The following DESI2 variants were observed in gnomAD, a reference collection of about 807,000 sequenced individuals.
The protein encoded by DESI2 is desumoylating isopeptidase 2.
DESI2 carries 10 observed loss-of-function variants against 24.1 expected under a neutral mutation model. That is an observed-to-expected ratio of 0.41 (90% CI 0.26 to 0.70). DESI2 has a LOEUF of 0.70. Ranked by LOEUF, DESI2 falls within the 30% of genes least tolerant of loss-of-function variation. The pLI, the probability that DESI2 is intolerant of heterozygous loss-of-function variation, is 0.29. For missense variants in DESI2, 122 were observed against 234.9 expected, an observed-to-expected ratio of 0.52 and a Z score of 3.14; for synonymous variants, 71 against 87.7, an observed-to-expected ratio of 0.81 and a Z score of 1.06.
chr1:244,681,493 C>T (rs1480776073), intron 1 of DESI2, among the ~76,000 whole-genome samples: 2 of 144,182 alleles, frequency 1.4e-5, no homozygotes, highest in East Asian at 2.1e-4. Flanking sequence ...GGACCTGGGG[C>T]GGGGGAGGGA....
intron 4 of DESI2, among the ~76,000 whole-genome samples, chr1:244,693,968 A>G (rs867783747): frequency 6.6e-6 from 1 of 152,260 alleles, no homozygotes; most frequent in Non-Finnish European, 1.5e-5. Flanking sequence ...AACGAAGACA[A>G]GCAAATTAAT....
intron 4 of DESI2, among the ~76,000 whole-genome samples, chr1:244,697,590 GCTGTTGC>G (rs1201819328): frequency 6.6e-6 from 1 of 152,058 alleles, no homozygotes; most frequent in African/African-American, 2.4e-5. Context: ...TAGCAGCTGA[GCTGTTGC>G]CTGTTATGAA....
In DESI2 at chr1:244,699,578, C is replaced by CAAAAAAAAA. The variant is rs559295405; in HGVS notation, c.352-5948_352-5940dup. Among the ~76,000 whole-genome samples, 30 of 66,216 alleles carry CAAAAAAAAA rather than the reference C, an allele frequency of 4.5e-4. 1 individual carries two copies. The highest frequency in any genetic ancestry group is 8.9e-4 in the Admixed American group (4 of 4,472). 43.4% of individuals were successfully genotyped at this position (66,216 alleles called of 152,430 possible). A position where few individuals can be genotyped will look rare whatever the true frequency, so the allele number is the denominator to read the frequency against. On this transcript the variant is annotated intron_variant, in intron 4 of 4. Coordinates refer to ENST00000302550, the MANE Select transcript of DESI2 (RefSeq NM_016076.5). ...GCCTAGCAACAGAGTGAGACTGTCT[C>CAAAAAAAAA]AAAAAAAAAAAAAAAAAAAAAAAAA...
intron 4 of DESI2, among the ~76,000 whole-genome samples, chr1:244,703,000 C>CTTTTTTTTTTTTTTTT (rs72210181): frequency 7.6e-6 from 1 of 131,638 alleles, no homozygotes. Flanking sequence ...TTTGCCAGCG[C>CTTTTTTTTTTTTTTTT]TTTTTTTTTT....
At chr1:244,703,703 G>A (rs917922652) in intron 4 of DESI2, among the ~76,000 whole-genome samples, 10 of 149,914 alleles carry the variant, frequency 6.7e-5, no homozygotes, top group South Asian at 2.1e-4. Flanking sequence ...CTGTTGCCCC[G>A]GCTGGAGTGC....
intron 1 of DESI2, among the ~76,000 whole-genome samples, chr1:244,678,941 A>G (rs2148797161): frequency 6.6e-6 from 1 of 152,378 alleles, no homozygotes; most frequent in South Asian, 2.1e-4. Context: ...TTTAAGTCCT[A>G]GAAGTTGGCT....
intron 1 of DESI2, among the ~76,000 whole-genome samples, chr1:244,674,899 T>C (rs1676364961): frequency 6.6e-6 from 1 of 152,230 alleles, no homozygotes; most frequent in South Asian, 2.1e-4. Context: ...CTAGGTCATA[T>C]GGTAACTTTA....
intron 1 of DESI2, 102 bp downstream of exon 1, chr1:244,653,457 C>G: frequency 2.4e-6 from 3 of 1,240,586 alleles, no homozygotes; most frequent in Non-Finnish European, 3.3e-6. Flanking sequence ...CTGGCGTCTC[C>G]GCCTCCAGCC....
intron 1 of DESI2, among the ~76,000 whole-genome samples, chr1:244,668,096 A>T (rs1676110947): frequency 6.6e-6 from 1 of 152,252 alleles, no homozygotes; most frequent in Non-Finnish European, 1.5e-5. Flanking sequence ...CATACTTAAG[A>T]GTTCCTTATG....
At chr1:244,695,025 A>T (rs903251432) in intron 4 of DESI2, among the ~76,000 whole-genome samples, 1 of 152,226 alleles carries the variant, frequency 6.6e-6, no homozygotes, top group Non-Finnish European at 1.5e-5. Flanking sequence ...CAATGTGGTC[A>T]GTGTCTCAAC....
chr1:244,653,901 T>C (rs1432901018), intron 1 of DESI2: 1 of 470,944 alleles, frequency 2.1e-6, no homozygotes, highest in Non-Finnish European at 4.4e-6. Flanking sequence ...ACCCTTTCCT[T>C]GTGTGTTAAA....
intron 1 of DESI2, chr1:244,653,686 T>C (rs920933688): frequency 9.3e-6 from 4 of 430,894 alleles, no homozygotes; most frequent in Non-Finnish European, 1.3e-5. Context: ...TCCGTTGCGT[T>C]TCCAACCCCA....
At chr1:244,662,409 G>C (rs1238764911) in intron 1 of DESI2, among the ~76,000 whole-genome samples, 1 of 152,134 alleles carries the variant, frequency 6.6e-6, no homozygotes, top group East Asian at 1.9e-4. Flanking sequence ...TATATACCCA[G>C]AAGTCCATAG....
rs71587007 is a variant in DESI2, at chr1:244,701,215, ACCCCCCCC to A, written c.352-4329_352-4322del. ...GCATGACTGGACCACCTTCCCCTCC[ACCCCCCCC>A]CCCCCCCCCCCGCCCTTTTAACTGC... On this transcript the variant is annotated intron_variant, in intron 4 of 4. Coordinates refer to ENST00000302550, the MANE Select transcript of DESI2 (RefSeq NM_016076.5). Among the ~76,000 whole-genome samples the A allele has an allele frequency of 6.1e-4, 8 of 13,108 alleles. 2 individuals carry two copies. The highest frequency in any genetic ancestry group is 6.7e-3 in the South Asian group (2 of 300). The allele number at this position is 13,108 out of a possible 152,430, so 8.6% of individuals were successfully genotyped here. A position where few individuals can be genotyped will look rare whatever the true frequency, so the allele number is the denominator to read the frequency against.
chr1:244,688,606 C>A (rs1676903029), intron 2 of DESI2, among the ~76,000 whole-genome samples: 1 of 152,126 alleles, frequency 6.6e-6, no homozygotes. Context: ...CCATTTTGTT[C>A]TCCAGAGTTT....
chr1:244,682,854 CAAAA>C (rs3059851), intron 1 of DESI2, among the ~76,000 whole-genome samples: 63 of 123,384 alleles, frequency 5.1e-4, no homozygotes, highest in African/African-American at 1.6e-3. Flanking sequence ...AGTGTGTTGT[CAAAA>C]AAAAAAAAAA....
chr1:244,704,339 G>A (rs1328184417), intron 4 of DESI2, among the ~76,000 whole-genome samples: 1 of 152,168 alleles, frequency 6.6e-6, no homozygotes, highest in East Asian at 1.9e-4. Context: ...TGGCAGTGGG[G>A]CATGAACGGC....
chr1:244,698,175 C>G (rs1026081323), intron 4 of DESI2, among the ~76,000 whole-genome samples: 4 of 152,326 alleles, frequency 2.6e-5, no homozygotes, highest in African/African-American at 9.6e-5. Flanking sequence ...GGGGGATTAG[C>G]TCAGTAAGGC....
Position 244,660,323 on chromosome 1 carries a change from G to A in DESI2, c.42+6968G>A, listed in dbSNP as rs538604564. On this transcript the variant is annotated intron_variant, in intron 1 of 4. Transcript: ENST00000302550. ...TAGGACTACAGGCGTGCGCCACCAT[G>A]CCCAGCTAGTTTTTTTGTATTTTTA... Among the ~76,000 whole-genome samples the A allele has an allele frequency of 2.0e-5, 3 of 152,206 alleles. No homozygotes were observed. In the South Asian group the frequency reaches 6.2e-4, roughly 32 times the overall value.
Sources: gnomAD v4.1 joint callset for allele counts (sites outside exome capture counted in the v4.1 genomes callset) on GRCh38, gnomAD v4.1.1 for gene constraint, MANE v1.5 for transcripts, NCBI Gene and HGNC (gene_info 2026-07-23, HGNC 2026-07-21) for gene names.